The following PLCXD3 variants were observed in gnomAD, a reference collection of about 807,000 sequenced individuals.
PLCXD3 encodes the protein PI-PLC X domain-containing protein 3.
Under a neutral mutation model 25.5 loss-of-function variants are expected in PLCXD3, and 19 were observed. That is an observed-to-expected ratio of 0.75 (90% CI 0.52 to 1.09). PLCXD3 has a LOEUF of 1.09. Among genes scored for constraint, PLCXD3 ranks in the 50% least tolerant of loss-of-function variants. PLCXD3 has a pLI of 0.00. For synonymous variants in PLCXD3, 174 were observed against 137.6 expected (o/e 1.26, Z -1.85); for missense variants, 411 against 388.1 (o/e 1.06, Z -0.50).
chr5:41,322,297 A>T (rs1373362075), intron 2 of PLCXD3, among the ~76,000 whole-genome samples: 2 of 152,250 alleles, frequency 1.3e-5, no homozygotes, highest in Non-Finnish European at 2.9e-5. Flanking sequence ...AAAAGAAGAC[A>T]TACAAATGGC....
chr5:41,438,805 A>G (rs1425057997), intron 1 of PLCXD3, among the ~76,000 whole-genome samples: 2 of 63,248 alleles, frequency 3.2e-5, no homozygotes, highest in Non-Finnish European at 1.1e-4. Flanking sequence ...TCATTAGGAA[A>G]AAAAAAAAAA....
At chr5:41,342,350 T>C (rs1254141459) in intron 2 of PLCXD3, among the ~76,000 whole-genome samples, 2 of 152,168 alleles carry the variant, frequency 1.3e-5, no homozygotes, top group African/African-American at 2.4e-5. Context: ...GAGACTAAAC[T>C]TTCTAGTTTA....
intron 1 of PLCXD3, among the ~76,000 whole-genome samples, chr5:41,488,025 T>C (rs1211014128): frequency 6.7e-6 from 1 of 149,730 alleles, no homozygotes; most frequent in Non-Finnish European, 1.5e-5. Flanking sequence ...CATTAACTCG[T>C]CATTTAGCAT....
chr5:41,369,434 G>T (rs1745028461), intron 2 of PLCXD3, among the ~76,000 whole-genome samples: 1 of 152,062 alleles, frequency 6.6e-6, no homozygotes. Context: ...CACAAAAACT[G>T]AAATATGCCC....
At chr5:41,391,134 T>C (rs955311951) in intron 1 of PLCXD3, among the ~76,000 whole-genome samples, 2 of 152,142 alleles carry the variant, frequency 1.3e-5, no homozygotes, top group Non-Finnish European at 2.9e-5. Flanking sequence ...AAAGGCAGTC[T>C]AGACCATAAG....
In PLCXD3 at chr5:41,382,222, A is replaced by G. The variant is rs1029178596; in HGVS notation, c.416T>C (p.Val139Ala). Residue 139 changes from valine to alanine, a missense_variant, in exon 2 of 3, where the codon GTA (valine) becomes GCA (alanine). By Grantham distance (64) the Val-to-Ala change is moderately conservative. Coordinates refer to ENST00000377801, the MANE Select transcript of PLCXD3 (RefSeq NM_001005473.3). ...AAAGTGGTTGAAGTCCAAGAACACT[A>G]CCTCCTTATGGTGATCTGTGAGGAA... ...NAFLTDHHKE[V>A]VFLDFNHFYG... 3.1e-6 allele frequency: 5 copies of G among 1,613,434 alleles called. No individual in the cohort carries two copies. The South Asian group carries it at 3.3e-5, about 11-fold the overall frequency.
At chr5:41,396,847 G>A (rs1465586506) in intron 1 of PLCXD3, among the ~76,000 whole-genome samples, 1 of 152,212 alleles carries the variant, frequency 6.6e-6, no homozygotes, top group Non-Finnish European at 1.5e-5. Flanking sequence ...CTGCTCTAGA[G>A]ATCTGTGGAA....
chr5:41,360,177 A>T (rs1000616502), intron 2 of PLCXD3, among the ~76,000 whole-genome samples: 23 of 151,942 alleles, frequency 1.5e-4, no homozygotes, highest in African/African-American at 5.6e-4. Context: ...TGTGTCCTTG[A>T]TTTTCAGAAA....
At chr5:41,374,573 G>A (rs1265372184) in intron 2 of PLCXD3, among the ~76,000 whole-genome samples, 1 of 152,084 alleles carries the variant, frequency 6.6e-6, no homozygotes, top group Non-Finnish European at 1.5e-5. Flanking sequence ...GTACATATAT[G>A]TATCTGTATG....
intron 1 of PLCXD3, among the ~76,000 whole-genome samples, chr5:41,481,390 C>A (rs949869182): frequency 1.3e-5 from 2 of 152,212 alleles, no homozygotes; most frequent in African/African-American, 2.4e-5. Context: ...TCTCCCAGAA[C>A]TGGACTTCTG....
intron 1 of PLCXD3, among the ~76,000 whole-genome samples, chr5:41,473,883 C>T (rs566768136): frequency 1.3e-5 from 2 of 152,286 alleles, no homozygotes; most frequent in South Asian, 4.1e-4. Flanking sequence ...GGTTCCCCTC[C>T]CCCATCCCCA....
chr5:41,476,938 C>T (rs1748297051), intron 1 of PLCXD3, among the ~76,000 whole-genome samples: 1 of 152,174 alleles, frequency 6.6e-6, no homozygotes, highest in Non-Finnish European at 1.5e-5. Context: ...CTTCCACTGC[C>T]TTTGAGATGT....
chr5:41,489,545 A>C (rs987297409), intron 1 of PLCXD3, among the ~76,000 whole-genome samples: 1 of 152,114 alleles, frequency 6.6e-6, no homozygotes, highest in Middle Eastern at 3.2e-3. Flanking sequence ...CACAATATTG[A>C]TTCTTCCTAC....
chr5:41,352,162 C>A (rs913341085), intron 2 of PLCXD3, among the ~76,000 whole-genome samples: 2 of 152,168 alleles, frequency 1.3e-5, no homozygotes, highest in African/African-American at 4.8e-5. Flanking sequence ...TCTCAGCATG[C>A]AGAAGACACC....
At chr5:41,502,995 A>C (rs528306647) in intron 1 of PLCXD3, among the ~76,000 whole-genome samples, 4 of 152,216 alleles carry the variant, frequency 2.6e-5, no homozygotes, top group African/African-American at 9.6e-5. Flanking sequence ...TTTTCTTGAG[A>C]AAGGGCCAGG....
At chr5:41,428,160 T>C (rs1747006036) in intron 1 of PLCXD3, among the ~76,000 whole-genome samples, 1 of 152,146 alleles carries the variant, frequency 6.6e-6, no homozygotes, top group East Asian at 1.9e-4. Flanking sequence ...GAAAGCCAGT[T>C]CCTCTGGCAT....
chr5:41,493,793 C>T (rs914947076), intron 1 of PLCXD3, among the ~76,000 whole-genome samples: 66 of 152,304 alleles, frequency 4.3e-4, no homozygotes, highest in African/African-American at 1.4e-3. Flanking sequence ...GTCGGAAAAG[C>T]GCAGTATTGG....
chr5:41,455,382 C>T (rs318079), intron 1 of PLCXD3, among the ~76,000 whole-genome samples: 2,137 of 151,922 alleles, frequency 0.014, 56 homozygotes, highest in African/African-American at 0.048. Context: ...GCAGCTGAAA[C>T]CATCATTTTC....
At chr5:41,444,568 C>G (rs1747454173) in intron 1 of PLCXD3, among the ~76,000 whole-genome samples, 2 of 152,126 alleles carry the variant, frequency 1.3e-5, no homozygotes. Context: ...ACAAATGATT[C>G]AGGTCCTGTA....
Sources: allele counts gnomAD v4.1 joint callset (sites outside exome capture counted in the v4.1 genomes callset), GRCh38; gene constraint gnomAD v4.1.1; transcripts MANE v1.5; gene names NCBI Gene and HGNC (gene_info 2026-07-23, HGNC 2026-07-21).